The following MBD3 variants were observed in gnomAD, a reference collection of about 807,000 sequenced individuals.
MBD3 encodes methyl-CpG-binding domain protein 3.
MBD3 carries 13 observed loss-of-function variants against 31.2 expected under a neutral mutation model. The ratio of observed to expected loss-of-function variants is 0.42; its 90% CI spans 0.27 to 0.66. The LOEUF is 0.66. MBD3 is among the 30% of genes least tolerant of loss of function. MBD3 has a pLI of 0.26. For synonymous variants in MBD3, 223 were observed against 187.4 expected (o/e 1.19, Z -1.55); for missense variants, 440 against 426.5 (o/e 1.03, Z -0.28).
chr19:1,592,547 C>A lies in MBD3; in HGVS notation c.85G>T (p.Gly29Cys). Residue 29 changes from glycine to cysteine, a missense_variant, in exon 1 of 7, where the codon GGC (glycine) becomes TGC (cysteine). By Grantham distance (159) the Gly-to-Cys change is radical. Coordinates refer to ENST00000434436, the MANE Select transcript of MBD3 (RefSeq NM_001281453.2). Reference protein sequence around the residue: ...EVPRRSGLSAGHRDVFYYSPS... With the variant: ...EVPRRSGLSACHRDVFYYSPS... ...CTATAGTAAAAGACATCCCTGTGGC[C>A]GGCCGACAGCCCCGACCTTCTGGGC... is the stretch of plus-strand genomic sequence containing the variant. The A allele has an allele frequency of 6.9e-7, 1 of 1,439,162 alleles. No individual in the cohort carries two copies. 89.1% of individuals were successfully genotyped at this position (1,439,162 alleles called of 1,614,324 possible).
chr19:1,591,749 G>A (rs1294503373), intron 1 of MBD3, among the ~76,000 whole-genome samples: 1 of 151,876 alleles, frequency 6.6e-6, no homozygotes, highest in Non-Finnish European at 1.5e-5. Flanking sequence ...TCTGGGACTT[G>A]GCTGCAGCAG....
At chr19:1,592,400 G>GCACGCACGCACGACGCACC (rs2060708916) in intron 1 of MBD3, 122 bp downstream of exon 1, 1 of 238,968 alleles carries the variant, frequency 4.2e-6, no homozygotes, top group Non-Finnish European at 7.6e-6. Context: ...CAAGACGCAC[G>GCACGCACGCACGACGCACC]CACGCACGCA....
chr19:1,581,427 T>A, intron 4 of MBD3, 158 bp from the exon 5 acceptor site: 1 of 769,830 alleles, frequency 1.3e-6, no homozygotes, highest in Non-Finnish European at 2.2e-6. Flanking sequence ...CCCGCTTGTG[T>A]TACTACATTC....
intron 4 of MBD3, chr19:1,581,638 A>G: frequency 2.8e-6 from 1 of 361,824 alleles, no homozygotes; most frequent in Non-Finnish European, 5.4e-6. Context: ...CCAGCTACTC[A>G]GGAGGCTGTG....
chr19:1,590,782 A>C (rs1182583458), intron 1 of MBD3, among the ~76,000 whole-genome samples: 1 of 152,204 alleles, frequency 6.6e-6, no homozygotes, highest in African/African-American at 2.4e-5. Flanking sequence ...ACATGGCCTG[A>C]ACTCTCCCCA....
chr19:1,587,535 C>A (rs1221730670), intron 1 of MBD3, among the ~76,000 whole-genome samples: 2 of 152,126 alleles, frequency 1.3e-5, no homozygotes, highest in Non-Finnish European at 2.9e-5. Context: ...CTGCCTTGGC[C>A]TCCTGAGGAG....
At chr19:1,582,596 C>A in intron 4 of MBD3, 26 bp downstream of exon 4, 5 of 1,607,568 alleles carry the variant, frequency 3.1e-6, no homozygotes, top group Non-Finnish European at 4.3e-6. Flanking sequence ...CATCCCCTTC[C>A]GCCTCCCCTC....
In MBD3 at chr19:1,585,087, G is replaced by C; in HGVS notation, c.238C>G (p.Arg80Gly). Residue 80 changes from arginine (R) to glycine (G), a missense_variant, in exon 2 of 7, where the codon CGC (arginine) becomes GGC (glycine). Physicochemically the swap from Arg to Gly is moderately radical, Grantham distance 125. Coordinates refer to ENST00000434436, the MANE Select transcript of MBD3 (RefSeq NM_001281453.2). The surrounding 1 kb of genome is among the most constrained non-coding windows in gnomAD (Gnocchi z 4.1). ...TGGTTGGAGGAGTCGTAGCGCACGC[G>C]CTGGCGGCTCTTGTTCATCTTGCTC... is the stretch of plus-strand genomic sequence containing the variant. ...LMSKMNKSRQRVRYDSSNQVK... is the reference protein window; with the variant it reads ...LMSKMNKSRQGVRYDSSNQVK... 1.2e-6 allele frequency: 2 copies of C among 1,612,438 alleles called. No individual in the cohort carries two copies. The highest frequency in any genetic ancestry group is 1.7e-6 in the Non-Finnish European group (2 of 1,179,430).
intron 3 of MBD3, among the ~76,000 whole-genome samples, chr19:1,583,807 T>C (rs1235499772): frequency 6.6e-6 from 1 of 152,042 alleles, no homozygotes; most frequent in Non-Finnish European, 1.5e-5. Context: ...TTAGACCATT[T>C]CCATTTTTTA....
chr19:1,581,349 C>T (rs1485970788), intron 4 of MBD3, 80 bp from the exon 5 acceptor site: 5 of 1,446,776 alleles, frequency 3.5e-6, no homozygotes, highest in Admixed American at 3.8e-5. Flanking sequence ...ACGGAAATGC[C>T]CCAAGAATGG....
intron 4 of MBD3, 175 bp from the exon 5 acceptor site, chr19:1,581,444 G>A: frequency 5.7e-6 from 4 of 705,368 alleles, no homozygotes; most frequent in Admixed American, 2.5e-5. Context: ...ATTCATAACA[G>A]AAAAAAAAGC....
In MBD3 at chr19:1,574,926, TG is replaced by T; in HGVS notation, c.*3237del. The stretch of plus-strand genomic sequence containing the variant: ...TGCAGGGACAGCAAGGCACGGGCCC[TG>T]GGTGTGGCAGGAGAGGCATGATGCC... On this transcript the variant is annotated 3_prime_UTR_variant, in exon 7 of 7. Coordinates refer to ENST00000434436, the MANE Select transcript of MBD3 (RefSeq NM_001281453.2). 1 of 310,184 alleles carries T rather than the reference TG, an allele frequency of 3.2e-6. No homozygotes were observed. The highest frequency in any genetic ancestry group is 2.4e-5 in the South Asian group (1 of 41,008). The allele number at this position is 310,184 out of a possible 1,614,324, so 19.2% of individuals were successfully genotyped here.
Position 1,578,556 on chromosome 19 carries a change from T to A in MBD3, c.678-18A>T, listed in dbSNP as rs772866193. 6.2e-7 allele frequency: 1 copy of A among 1,611,166 alleles called. No homozygotes were observed. Among genetic ancestry groups the A allele is most frequent in the Non-Finnish European group, 8.5e-7 (1 of 1,179,884 alleles). Reference sequence around the variant, plus strand: ...CCTGCTTCCTGGGGACACATGGACCTTGCGTTACACCAAGGTGAGCGGCCA... The same window carrying A: ...CCTGCTTCCTGGGGACACATGGACCATGCGTTACACCAAGGTGAGCGGCCA... On this transcript the variant is annotated intron_variant, in intron 5 of 6. Coordinates refer to ENST00000434436, the MANE Select transcript of MBD3 (RefSeq NM_001281453.2). The surrounding 1 kb of genome is among the most constrained non-coding windows in gnomAD (Gnocchi z 6.1).
intron 1 of MBD3, among the ~76,000 whole-genome samples, chr19:1,587,008 C>T (rs2060682445): frequency 6.7e-6 from 1 of 149,844 alleles, no homozygotes; most frequent in African/African-American, 2.5e-5. Flanking sequence ...CTCTGTCACC[C>T]AGGCTAGAGT....
chr19:1,592,511 C>A lies in MBD3; in HGVS notation c.110+11G>T. ...CCGTTGAGGCCCTGCGCGGCCGGCG[C>A]GCTCATTCACCTATAGTAAAAGACA... On this transcript the variant is annotated intron_variant, in intron 1 of 6. Transcript: ENST00000434436. 7.2e-7 allele frequency: 1 copy of A among 1,379,732 alleles called. No homozygotes were observed. Among genetic ancestry groups the A allele is most frequent in the Non-Finnish European group, 9.7e-7 (1 of 1,035,636 alleles). 85.5% of individuals were successfully genotyped at this position (1,379,732 alleles called of 1,614,324 possible). A position where few individuals can be genotyped will look rare whatever the true frequency, so the allele number is the denominator to read the frequency against.
chr19:1,580,959 C>T, intron 5 of MBD3, 133 bp downstream of exon 5: 3 of 1,190,490 alleles, frequency 2.5e-6, no homozygotes, highest in Non-Finnish European at 3.7e-6. Flanking sequence ...TCCCCTTGCC[C>T]TGGCTGTTTC....
At chr19:1,582,019 G>A (rs1426048545) in intron 4 of MBD3, among the ~76,000 whole-genome samples, 1 of 152,088 alleles carries the variant, frequency 6.6e-6, no homozygotes, top group Non-Finnish European at 1.5e-5. Flanking sequence ...CGCCCGCCTT[G>A]GCCTCCCAGA....
intron 1 of MBD3, chr19:1,592,068 T>C (rs2060706333): frequency 6.6e-6 from 1 of 152,222 alleles, no homozygotes; most frequent in Non-Finnish European, 1.5e-5. Context: ...AGAACCCGTA[T>C]TTTCACGCAC....
At chr19:1,587,232 T>G (rs1343168209) in intron 1 of MBD3, among the ~76,000 whole-genome samples, 1 of 152,072 alleles carries the variant, frequency 6.6e-6, no homozygotes, top group Non-Finnish European at 1.5e-5. Flanking sequence ...CCCAAAGTGC[T>G]GGGATTACAG....
Sources: allele counts gnomAD v4.1 joint callset (sites outside exome capture counted in the v4.1 genomes callset), GRCh38; gene constraint gnomAD v4.1.1; non-coding constraint Gnocchi (gnomAD v3.1); transcripts MANE v1.5; gene names NCBI Gene and HGNC (gene_info 2026-07-23, HGNC 2026-07-21).